Variants in MDGA2 observed in about 807,000 individuals in gnomAD.
The protein encoded by MDGA2 is MAM domain containing glycosylphosphatidylinositol anchor 2.
MDGA2 carries 40 observed loss-of-function variants against 117.8 expected under a neutral mutation model. The ratio of observed to expected loss-of-function variants is 0.34; its 90% CI spans 0.26 to 0.44. The LOEUF (loss-of-function observed/expected upper bound fraction) is 0.44. Among genes scored for constraint, MDGA2 ranks in the 20% least tolerant of loss-of-function variants. The pLI, the probability that MDGA2 is intolerant of heterozygous loss-of-function variation, is 1.00. For synonymous variants in MDGA2, 452 were observed against 439.0 expected, an observed-to-expected ratio of 1.03 and a Z score of -0.37; for missense variants, 1,123 against 1,250.6, an observed-to-expected ratio of 0.90 and a Z score of 1.54.
intron 3 of MDGA2, among the ~76,000 whole-genome samples, chr14:47,212,840 G>A (rs985716554): frequency 1.3e-5 from 2 of 151,922 alleles, no homozygotes; most frequent in African/African-American, 4.8e-5. Flanking sequence ...ACTCAATTTT[G>A]TATCCACCTA....
intron 3 of MDGA2, among the ~76,000 whole-genome samples, chr14:47,190,379 A>G (rs575971626): frequency 2.0e-5 from 3 of 152,328 alleles, no homozygotes; most frequent in African/African-American, 7.2e-5. Flanking sequence ...GAAATATTAG[A>G]AAGTCAGGAC....
intron 1 of MDGA2, among the ~76,000 whole-genome samples, chr14:47,458,308 G>T (rs1893406243): frequency 6.6e-6 from 1 of 151,936 alleles, no homozygotes; most frequent in African/African-American, 2.4e-5. Flanking sequence ...TTACATTTTT[G>T]CTTTTGTTGC....
At chr14:47,398,488 T>C (rs1166332600) in intron 1 of MDGA2, among the ~76,000 whole-genome samples, 1 of 152,184 alleles carries the variant, frequency 6.6e-6, no homozygotes, top group African/African-American at 2.4e-5. Context: ...GTTATGGGGA[T>C]TATAGAAACT....
At chr14:46,875,111 G>T (rs1285823867) in intron 12 of MDGA2, among the ~76,000 whole-genome samples, 14 of 151,790 alleles carry the variant, frequency 9.2e-5, no homozygotes. Context: ...CTTTACAGAG[G>T]AGAAAACTTT....
intron 1 of MDGA2, among the ~76,000 whole-genome samples, chr14:47,534,068 A>G (rs1001628800): frequency 6.6e-6 from 1 of 152,196 alleles, no homozygotes; most frequent in Admixed American, 6.5e-5. Flanking sequence ...GCCTCATGTA[A>G]CTTAGAAAAC....
At chr14:47,326,445 T>C (rs955810894) in intron 1 of MDGA2, among the ~76,000 whole-genome samples, 9 of 152,088 alleles carry the variant, frequency 5.9e-5, no homozygotes, top group Non-Finnish European at 1.0e-4. Flanking sequence ...TGAGCATTCT[T>C]AAGCATTGTA....
intron 6 of MDGA2, among the ~76,000 whole-genome samples, chr14:47,073,173 A>C (rs1391773619): frequency 2.0e-5 from 3 of 152,230 alleles, no homozygotes; most frequent in Non-Finnish European, 4.4e-5. Context: ...AATGTAACCA[A>C]CTATCATGAG....
In MDGA2 at chr14:47,561,152, TGTTTTG is replaced by T. The variant is rs372912983; in HGVS notation, c.280+113359_280+113364del. Among the ~76,000 whole-genome samples the T allele has an allele frequency of 3.6e-4, 31 of 85,996 alleles. 1 individual carries two copies. In the East Asian group the frequency reaches 5.2e-3, roughly 14 times the overall value. The allele number at this position is 85,996 out of a possible 152,430, so 56.4% of individuals were successfully genotyped here. On this transcript the variant is annotated intron_variant, in intron 1 of 16. Transcript: ENST00000399232. The stretch of plus-strand genomic sequence containing the variant: ...ATACCTCTATCTTTGTTTTTTTTTT[TGTTTTG>T]TTTTGTTTTTTTGTTTGTTTGTTTT...
Position 47,097,037 on chromosome 14 carries a change from C to T in MDGA2, c.1012G>A (p.Gly338Arg). The T allele has an allele frequency of 1.9e-6, 3 of 1,613,302 alleles. No individual in the cohort carries two copies. The South Asian group carries it at 3.3e-5, about 18-fold the overall frequency. Residue 338 changes from glycine to arginine, a missense_variant, in exon 6 of 17, where the codon GGA becomes AGA. By Grantham distance (125) the Gly-to-Arg change is moderately radical (BLOSUM62 -2). Coordinates refer to ENST00000399232, the MANE Select transcript of MDGA2 (RefSeq NM_001113498.3). ...AITLVCVTTG[G>R]EPAPSLTWVR... ...CAGGTGAGAGAAGGTGCAGGCTCTC[C>T]TCCTGTTGTAACACATACTAATGTT... is the stretch of plus-strand genomic sequence containing the variant.
chr14:46,940,902 G>A (rs180823851), intron 9 of MDGA2, among the ~76,000 whole-genome samples: 3 of 152,258 alleles, frequency 2.0e-5, no homozygotes, highest in Admixed American at 6.5e-5. Flanking sequence ...AAGTGAGTTG[G>A]AGAGAAGCCC....
intron 1 of MDGA2, among the ~76,000 whole-genome samples, chr14:47,552,300 C>A (rs1895597387): frequency 6.6e-6 from 1 of 152,186 alleles, no homozygotes; most frequent in Non-Finnish European, 1.5e-5. Flanking sequence ...AATTCCAGAC[C>A]TGACTATCCA....
intron 1 of MDGA2, among the ~76,000 whole-genome samples, chr14:47,463,402 C>CA (rs1170242494): frequency 6.6e-6 from 1 of 151,722 alleles, no homozygotes; most frequent in Non-Finnish European, 1.5e-5. Flanking sequence ...CACAGACATA[C>CA]AAAAAATAAA....
At chr14:47,245,780 G>T (rs1481778497) in intron 2 of MDGA2, among the ~76,000 whole-genome samples, 3 of 151,710 alleles carry the variant, frequency 2.0e-5, no homozygotes, top group Non-Finnish European at 4.4e-5. Flanking sequence ...TCATTACCTA[G>T]TTGGAAATTC....
At chr14:47,360,306 G>A (rs755951070) in intron 1 of MDGA2, among the ~76,000 whole-genome samples, 10 of 151,400 alleles carry the variant, frequency 6.6e-5, no homozygotes, top group East Asian at 2.0e-4. Context: ...AGCCAAGATC[G>A]TGCCATTGCA....
intron 3 of MDGA2, among the ~76,000 whole-genome samples, chr14:47,172,003 A>G (rs184351921): frequency 3.0e-4 from 46 of 152,304 alleles, no homozygotes; most frequent in African/African-American, 1.0e-3. Flanking sequence ...TATCCCGCAC[A>G]TGGCTCACAG....
At chr14:47,558,677 G>A (rs913903391) in intron 1 of MDGA2, among the ~76,000 whole-genome samples, 10 of 152,074 alleles carry the variant, frequency 6.6e-5, no homozygotes, top group Admixed American at 2.0e-4. Context: ...ACTGTTTCCT[G>A]CCAGTCAATG....
intron 6 of MDGA2, among the ~76,000 whole-genome samples, chr14:47,069,608 G>T (rs920783776): frequency 2.0e-5 from 3 of 152,136 alleles, no homozygotes; most frequent in African/African-American, 7.2e-5. Context: ...TGTTGAGAAA[G>T]GTAGGATTTT....
At chr14:47,307,547 G>T (rs752033901) in intron 1 of MDGA2, among the ~76,000 whole-genome samples, 1 of 152,040 alleles carries the variant, frequency 6.6e-6, no homozygotes, top group African/African-American at 2.4e-5. Context: ...CAGGTGTGGT[G>T]GTGGGTGCCT....
intron 8 of MDGA2, among the ~76,000 whole-genome samples, chr14:46,967,877 A>T (rs1462230138): frequency 6.6e-6 from 1 of 152,220 alleles, no homozygotes; most frequent in Non-Finnish European, 1.5e-5. Context: ...CAGTAATAAA[A>T]GTGATGTAAA....
Sources: allele counts gnomAD v4.1 joint callset (sites outside exome capture counted in the v4.1 genomes callset), GRCh38; gene constraint gnomAD v4.1.1; transcripts MANE v1.5; gene names NCBI Gene and HGNC (gene_info 2026-07-23, HGNC 2026-07-21).